SYNE2: variants seen among roughly 807,000 people sequenced by gnomAD.
The protein encoded by SYNE2 is spectrin repeat containing nuclear envelope protein 2.
SYNE2 carries 431 observed loss-of-function variants against 856.3 expected under a neutral mutation model. The observed-to-expected ratio is 0.50, with a 90% CI of 0.47 to 0.55. The LOEUF is 0.55. SYNE2 is among the 20% of genes least tolerant of loss of function. SYNE2 has a pLI of 0.00. For synonymous variants in SYNE2, 2,923 were observed against 2,872.3 expected, an observed-to-expected ratio of 1.02 and a Z score of -0.56; for missense variants, 8,129 against 8,023.2, an observed-to-expected ratio of 1.01 and a Z score of -0.50.
chr14:64,184,144 A>C (rs1394157886), intron 96 of SYNE2, among the ~76,000 whole-genome samples: 1 of 152,130 alleles, frequency 6.6e-6, no homozygotes. Flanking sequence ...GAACATTTTA[A>C]AGCTCTCGAG....
At chr14:63,901,227 C>G (rs893010042) in intron 1 of SYNE2, among the ~76,000 whole-genome samples, 2 of 152,102 alleles carry the variant, frequency 1.3e-5, no homozygotes, top group African/African-American at 2.4e-5. Flanking sequence ...TTCTGACACA[C>G]TCAGAGAATT....
chr14:64,192,931 T>G (rs750713027), intron 99 of SYNE2, among the ~76,000 whole-genome samples: 1 of 152,232 alleles, frequency 6.6e-6, no homozygotes, highest in African/African-American at 2.4e-5. Context: ...AGCTAGAATC[T>G]AAGAAGCTCT....
At chr14:63,800,383 G>T (rs1324217873) in intron 1 of SYNE2, among the ~76,000 whole-genome samples, 2 of 152,132 alleles carry the variant, frequency 1.3e-5, no homozygotes, top group Admixed American at 6.6e-5. Context: ...ACCCAAAGTG[G>T]TGGGATCACA....
chr14:64,027,371 ATG>A, intron 42 of SYNE2, 111 bp from the exon 43 acceptor site: 1 of 666,348 alleles, frequency 1.5e-6, no homozygotes. Context: ...TCTGGGAACA[ATG>A]TATATTAGTG....
rs151293311 is a variant in SYNE2, at chr14:64,209,063, G to A, written c.18389+118G>A. ...TCACTTAGAAATGCGCCAGGTATTG[G>A]CAGAGAAGGCCCAACGCTTATCAAA... On this transcript the variant is annotated intron_variant, in intron 101 of 115. Transcript: ENST00000555002. The A allele has an allele frequency of 1.5e-3, 1,896 of 1,266,504 alleles. 8 individuals are homozygous for A. The Middle Eastern group carries it at 0.021, about 14-fold the overall frequency. The allele number at this position is 1,266,504 out of a possible 1,614,324, so 78.5% of individuals were successfully genotyped here. A position where few individuals can be genotyped will look rare whatever the true frequency, so the allele number is the denominator to read the frequency against.
chr14:64,138,057 A>G, intron 79 of SYNE2, 74 bp downstream of exon 79: 2 of 1,517,718 alleles, frequency 1.3e-6, no homozygotes, highest in African/African-American at 2.8e-5. Context: ...GTAGTCAACT[A>G]AATTTTACCT....
chr14:64,220,479 T>G lies in SYNE2; in HGVS notation c.19903T>G (p.Ser6635Ala), dbSNP rs1184479719. 1.2e-6 allele frequency: 2 copies of G among 1,614,230 alleles called. No individual in the cohort carries two copies. Among genetic ancestry groups the G allele is most frequent in the Admixed American group, 3.3e-5 (2 of 60,022 alleles). ...AFDTYKALVVSVNVSSKEFLQ... is the reference protein window; with the variant it reads ...AFDTYKALVVAVNVSSKEFLQ... ...TGACACTTACAAGGCATTAGTGGTC[T>G]CTGTCAACGTGAGCAGCAAGGAATT... The change falls in exon 111 of 116, where the codon TCT becomes GCT. Residue 6635 changes from serine (S) to alanine (A), a missense_variant. Transcript: ENST00000555002.
rs528540989 is a variant in SYNE2, at chr14:64,091,614, T to G, written c.11976+566T>G. ...CATTTCTGCATATTGAGAGCTGATA[T>G]TCTTCATCTTCTCCCCAGAGGGGTT... is the stretch of plus-strand genomic sequence containing the variant. On this transcript the variant is annotated intron_variant, in intron 60 of 115. Transcript: ENST00000555002. 3.9e-5 allele frequency among the ~76,000 whole-genome samples: 6 copies of G among 152,344 alleles called. No homozygotes were observed. The South Asian group carries it at 1.2e-3, about 32-fold the overall frequency.
At chr14:63,857,097 A>G (rs946888871) in intron 1 of SYNE2, among the ~76,000 whole-genome samples, 2 of 152,150 alleles carry the variant, frequency 1.3e-5, no homozygotes, top group African/African-American at 4.8e-5. Context: ...TTTTTGACTT[A>G]TGTATAGACC....
chr14:63,960,700 C>A (rs1295060344), intron 8 of SYNE2: 2 of 752,686 alleles, frequency 2.7e-6, no homozygotes, highest in Non-Finnish European at 4.9e-6. Context: ...ATTGCATTCA[C>A]CCTTTTGTGA....
intron 1 of SYNE2, among the ~76,000 whole-genome samples, chr14:63,839,915 A>G (rs1244614790): frequency 6.6e-6 from 1 of 152,150 alleles, no homozygotes; most frequent in Non-Finnish European, 1.5e-5. Context: ...ATGTCTTAGT[A>G]TGGGTTTAGC....
intron 1 of SYNE2, among the ~76,000 whole-genome samples, chr14:63,796,960 TC>T (rs1887937212): frequency 6.6e-6 from 1 of 151,032 alleles, no homozygotes; most frequent in Non-Finnish European, 1.5e-5. Context: ...GCGCCTCTAG[TC>T]CCAGCTACTC....
chr14:63,947,491 C>G (rs192179600), intron 6 of SYNE2, among the ~76,000 whole-genome samples: 1 of 152,232 alleles, frequency 6.6e-6, no homozygotes, highest in African/African-American at 2.4e-5. Context: ...TTGAAACAAT[C>G]AAAATTTACT....
chr14:64,024,479 T>C lies in SYNE2; in HGVS notation c.5840+20T>C, dbSNP rs755302292. ...ACTGAGGTAGGAAATAAAGATGATA[T>C]CTAAATAACATGTTTTCTAACCATA... On this transcript the variant is annotated intron_variant, in intron 39 of 115. Transcript: ENST00000555002. 308 of 1,606,708 alleles carry C rather than the reference T, an allele frequency of 1.9e-4. No individual in the cohort carries two copies. Among genetic ancestry groups the C allele is most frequent in the Non-Finnish European group, 2.5e-4 (293 of 1,174,158 alleles).
At chr14:63,776,625 A>T (rs1887117179) in intron 1 of SYNE2, among the ~76,000 whole-genome samples, 1 of 143,102 alleles carries the variant, frequency 7.0e-6, no homozygotes, top group Non-Finnish European at 1.5e-5. Flanking sequence ...TTTCAGACAG[A>T]GTCTCACTCT....
intron 19 of SYNE2, among the ~76,000 whole-genome samples, chr14:63,987,114 G>A (rs1471913072): frequency 1.3e-5 from 2 of 152,108 alleles, no homozygotes; most frequent in Admixed American, 6.5e-5. Context: ...TTAGCTGGAC[G>A]TGGTGGCGCG....
At chr14:64,102,087 A>AG (rs1199478875) in intron 64 of SYNE2, 45 bp downstream of exon 64, 49 of 1,309,904 alleles carry the variant, frequency 3.7e-5, no homozygotes, top group Non-Finnish European at 4.9e-5. Flanking sequence ...ACGAGGGCCC[A>AG]GGGGGGAGCA....
Position 63,780,483 on chromosome 14 carries a change from G to A in SYNE2, c.-305+18497G>A, listed in dbSNP as rs535034768. On this transcript the variant is annotated intron_variant, in intron 1 of 23. Transcript: ENST00000674003. ...AGGGAGGTAGAGGTTGTGGTGAGCC[G>A]AGATCATGCCACTGTATTCCAGCCC... Among the ~76,000 whole-genome samples, 9 of 152,228 alleles carry A rather than the reference G, an allele frequency of 5.9e-5. No individual in the cohort carries two copies. The South Asian group carries it at 1.0e-3, about 18-fold the overall frequency.
At chr14:63,898,151 T>C (rs551228344) in intron 1 of SYNE2, among the ~76,000 whole-genome samples, 1 of 152,222 alleles carries the variant, frequency 6.6e-6, no homozygotes, top group South Asian at 2.1e-4. Context: ...CTGTACACTC[T>C]CTCATTTCAT....
Sources: allele counts gnomAD v4.1 joint callset (sites outside exome capture counted in the v4.1 genomes callset), GRCh38; gene constraint gnomAD v4.1.1; transcripts MANE v1.5; gene names NCBI Gene and HGNC (gene_info 2026-07-23, HGNC 2026-07-21).